The following TENM3 variants were observed in gnomAD, a reference collection of about 807,000 sequenced individuals.
TENM3 encodes the protein teneurin-3.
TENM3 carries 63 observed loss-of-function variants against 255.1 expected under a neutral mutation model. The ratio of observed to expected loss-of-function variants is 0.25; its 90% CI spans 0.20 to 0.30. The LOEUF (loss-of-function observed/expected upper bound fraction) is 0.30. Among genes scored for constraint, TENM3 ranks in the 10% least tolerant of loss-of-function variants. The pLI is 1.00. For missense variants in TENM3, 2,929 were observed against 3,461.1 expected, an observed-to-expected ratio of 0.85 and a Z score of 3.86; for synonymous variants, 1,306 against 1,322.3, an observed-to-expected ratio of 0.99 and a Z score of 0.27.
At chr4:181,849,119 G>A in the TENM3 span, among the ~76,000 whole-genome samples, 3 of 152,158 alleles carry the variant, frequency 2.0e-5, no homozygotes, top group African/African-American at 7.2e-5. Context: ...GTCTTCCAGA[G>A]AATTATATCA....
the TENM3 span, among the ~76,000 whole-genome samples, chr4:181,647,981 A>G: frequency 6.6e-6 from 1 of 152,138 alleles, no homozygotes; most frequent in Non-Finnish European, 1.5e-5. Context: ...TGTCAAGGAT[A>G]AAATTAACAG....
At chr4:181,781,164 C>A in the TENM3 span, among the ~76,000 whole-genome samples, 1 of 152,146 alleles carries the variant, frequency 6.6e-6, no homozygotes, top group Non-Finnish European at 1.5e-5. Flanking sequence ...TAAAGAAAGT[C>A]ATTGGTAGCT....
the TENM3 span, among the ~76,000 whole-genome samples, chr4:181,746,039 T>C: frequency 2.6e-5 from 4 of 152,042 alleles, no homozygotes; most frequent in African/African-American, 7.2e-5. Context: ...GATTGTGGAA[T>C]TGAAACTGGA....
At chr4:181,834,926 T>A in the TENM3 span, 111 of 152,310 alleles carry the variant, frequency 7.3e-4, no homozygotes, top group African/African-American at 2.5e-3. Flanking sequence ...TAAACAGAAA[T>A]CAACATGAGG....
the TENM3 span, among the ~76,000 whole-genome samples, chr4:181,775,738 C>A: frequency 1.3e-5 from 2 of 152,054 alleles, no homozygotes; most frequent in Non-Finnish European, 2.9e-5. Flanking sequence ...TGTCACCCAG[C>A]CTACATTTCC....
At chr4:182,630,038 C>A (rs1751211842) in intron 5 of TENM3, among the ~76,000 whole-genome samples, 1 of 152,202 alleles carries the variant, frequency 6.6e-6, no homozygotes, top group African/African-American at 2.4e-5. Context: ...AGCACTTTCT[C>A]TCCTTAACCC....
chr4:182,095,223 C>T, the TENM3 span, among the ~76,000 whole-genome samples: 1 of 152,204 alleles, frequency 6.6e-6, no homozygotes, highest in Admixed American at 6.5e-5. Flanking sequence ...GATAACTGCA[C>T]TCCCATGTTT....
chr4:182,293,748 A>G (rs1323902168), intron 1 of TENM3, among the ~76,000 whole-genome samples: 1 of 149,134 alleles, frequency 6.7e-6, no homozygotes, highest in Non-Finnish European at 1.5e-5. Context: ...CATGCTTTAA[A>G]GCGCCCACCC....
rs748086420 is a variant in TENM3, at chr4:182,737,038, A to G, written c.3198A>G (p.Ala1066=). ...CTTTCATATGGGATAAAACAGATGC[A>G]TATAATCAGAAAGTCTATGGTCTAT... is the stretch of plus-strand genomic sequence containing the variant. ...AYTFIWDKTD[A]YNQKVYGLSE... Residue 1066 remains alanine, a synonymous_variant, in exon 17 of 28, where the codon GCA becomes GCG. Coordinates refer to ENST00000511685, the MANE Select transcript of TENM3 (RefSeq NM_001080477.4). 4 of 1,613,874 alleles carry G rather than the reference A, an allele frequency of 2.5e-6. No homozygotes were observed. The highest frequency in any genetic ancestry group is 1.1e-5 in the South Asian group (1 of 91,064).
At chr4:182,388,332 A>T (rs1363849423) in intron 3 of TENM3, among the ~76,000 whole-genome samples, 1 of 152,198 alleles carries the variant, frequency 6.6e-6, no homozygotes, top group Non-Finnish European at 1.5e-5. Context: ...TCTAAAAAAC[A>T]GTCCGATGAT....
chr4:181,641,661 A>G, the TENM3 span, among the ~76,000 whole-genome samples: 2 of 95,884 alleles, frequency 2.1e-5, no homozygotes, highest in Non-Finnish European at 4.1e-5. Context: ...TATATATACC[A>G]TGGAATATAT....
At chr4:182,584,037 A>G (rs1409960473) in intron 3 of TENM3, among the ~76,000 whole-genome samples, 1 of 152,226 alleles carries the variant, frequency 6.6e-6, no homozygotes, top group Non-Finnish European at 1.5e-5. Flanking sequence ...GTTTTACTGC[A>G]GTTTTAAGAA....
chr4:182,024,627 G>A, the TENM3 span, among the ~76,000 whole-genome samples: 6 of 152,286 alleles, frequency 3.9e-5, no homozygotes, highest in South Asian at 1.2e-3. Context: ...CAGACATGCA[G>A]TGGATGATCG....
rs1301553788 is a variant in TENM3, at chr4:182,364,491, A to C, written c.511+17562A>C. Among the ~76,000 whole-genome samples the C allele has an allele frequency of 2.0e-5, 3 of 152,090 alleles. No homozygotes were observed. The East Asian group carries it at 5.8e-4, about 29-fold the overall frequency. ...GAATGCAGTGGCGCGATCTCGGCTC[A>C]CTGCAAGCTCCGTCTTCCGGGTTCA... is the stretch of plus-strand genomic sequence containing the variant. On this transcript the variant is annotated intron_variant, in intron 3 of 27. Coordinates refer to ENST00000511685, the MANE Select transcript of TENM3 (RefSeq NM_001080477.4).
In TENM3 at chr4:182,753,595, C is replaced by T; in HGVS notation, c.4008C>T (p.His1336=). Residue 1336 remains histidine (H), a synonymous_variant, in exon 21 of 28, where the codon CAC becomes CAT. Coordinates refer to ENST00000511685, the MANE Select transcript of TENM3 (RefSeq NM_001080477.4). The stretch of plus-strand genomic sequence containing the variant: ...CTTTAACTTGTGACACCAGCATGCA[C>T]ATCAGCCAGGTAGTTAAATACTAAG... ...ARPLTCDTSM[H]ISQVRLEWPT... 1 of 1,613,648 alleles carries T rather than the reference C, an allele frequency of 6.2e-7. No individual in the cohort carries two copies.
At chr4:182,603,748 T>C (rs555517329) in intron 4 of TENM3, among the ~76,000 whole-genome samples, 2 of 148,252 alleles carry the variant, frequency 1.3e-5, no homozygotes, top group South Asian at 4.4e-4. Context: ...GTGTATTGTT[T>C]CATCTTTGGC....
chr4:181,472,963 G>A, the TENM3 span, among the ~76,000 whole-genome samples: 1 of 152,274 alleles, frequency 6.6e-6, no homozygotes, highest in East Asian at 1.9e-4. Context: ...TAAAAGTAGA[G>A]ATAGTTTTGG....
the TENM3 span, among the ~76,000 whole-genome samples, chr4:181,762,078 G>A: frequency 2.6e-5 from 4 of 152,100 alleles, no homozygotes; most frequent in Admixed American, 6.6e-5. Context: ...CAACCACTCC[G>A]TCAATATCAT....
the TENM3 span, among the ~76,000 whole-genome samples, chr4:181,918,627 A>G: frequency 7.2e-5 from 11 of 152,302 alleles, no homozygotes; most frequent in Admixed American, 2.0e-4. Context: ...TTGGGCAGAC[A>G]TGACTTTAAT....
Sources: allele counts gnomAD v4.1 joint callset (sites outside exome capture counted in the v4.1 genomes callset), GRCh38; gene constraint gnomAD v4.1.1; transcripts MANE v1.5; gene names NCBI Gene and HGNC (gene_info 2026-07-23, HGNC 2026-07-21).